UBE2K: variants seen among roughly 807,000 people sequenced by gnomAD.
The protein encoded by UBE2K is ubiquitin conjugating enzyme E2 K, also known as ubiquitin-conjugating enzyme E2 K.
UBE2K carries 6 observed loss-of-function variants against 30.0 expected under a neutral mutation model. The observed-to-expected ratio is 0.20, with a 90% CI of 0.11 to 0.39. The LOEUF (loss-of-function observed/expected upper bound fraction) is 0.39, where lower values mean the gene tolerates loss of function less well. Among genes scored for constraint, UBE2K ranks in the 10% least tolerant of loss-of-function variants. The pLI is 1.00. For missense variants in UBE2K, 61 were observed against 241.6 expected (o/e 0.25, Z 4.96); for synonymous variants, 86 against 83.7 (o/e 1.03, Z -0.15).
chr4:39,751,006 G>A (rs10017303), intron 3 of UBE2K, among the ~76,000 whole-genome samples: 2,845 of 151,866 alleles, frequency 0.019, 99 homozygotes, highest in African/African-American at 0.065. Flanking sequence ...TCAGCCTCCT[G>A]AAGTATTGGG....
intron 4 of UBE2K, among the ~76,000 whole-genome samples, chr4:39,760,180 AAAAAAAAAAAAACAG>A (rs1399935769): frequency 4.9e-4 from 44 of 90,426 alleles, no homozygotes; most frequent in Middle Eastern, 5.1e-3. Context: ...CTGTCACAAA[AAAAAAAAAAAAACAG>A]AAAAAAAAAA....
At chr4:39,717,448 C>T (rs1413452568) in intron 1 of UBE2K, among the ~76,000 whole-genome samples, 1 of 152,082 alleles carries the variant, frequency 6.6e-6, no homozygotes, top group Non-Finnish European at 1.5e-5. Flanking sequence ...TCAGGCTGGT[C>T]TTGAACTCCT....
intron 1 of UBE2K, among the ~76,000 whole-genome samples, chr4:39,724,946 TA>T (rs1488123360): frequency 6.6e-6 from 1 of 152,252 alleles, no homozygotes; most frequent in African/African-American, 2.4e-5. Flanking sequence ...TATTTTTGTT[TA>T]CTTTGTTGTC....
At chr4:39,732,424 A>G (rs1250252102) in intron 1 of UBE2K, among the ~76,000 whole-genome samples, 1 of 152,224 alleles carries the variant, frequency 6.6e-6, no homozygotes, top group Admixed American at 6.5e-5. Context: ...AGCATATACT[A>G]GAACCTAGTC....
intron 4 of UBE2K, among the ~76,000 whole-genome samples, chr4:39,772,018 TGGC>T: frequency 6.6e-6 from 1 of 152,266 alleles, no homozygotes; most frequent in South Asian, 2.1e-4. Context: ...TTTGTATTTT[TGGC>T]AGACAGTGTT....
intron 4 of UBE2K, among the ~76,000 whole-genome samples, chr4:39,767,437 C>T (rs968297235): frequency 6.6e-6 from 1 of 151,932 alleles, no homozygotes; most frequent in Non-Finnish European, 1.5e-5. Flanking sequence ...CATTCTCCTG[C>T]CTCAGCCTCC....
At chr4:39,739,610 C>T (rs1050359429) in intron 2 of UBE2K, among the ~76,000 whole-genome samples, 1 of 151,946 alleles carries the variant, frequency 6.6e-6, no homozygotes, top group African/African-American at 2.4e-5. Context: ...CCATGCCCGG[C>T]TAATTTTTGT....
At chr4:39,701,199 G>A (rs1717990327) in intron 1 of UBE2K, among the ~76,000 whole-genome samples, 1 of 152,210 alleles carries the variant, frequency 6.6e-6, no homozygotes, top group East Asian at 1.9e-4. Flanking sequence ...ATATGAGTGT[G>A]AATTTTAAGT....
At chr4:39,743,733 AT>A (rs765697472) in intron 2 of UBE2K, among the ~76,000 whole-genome samples, 25 of 152,184 alleles carry the variant, frequency 1.6e-4, no homozygotes, top group Admixed American at 3.3e-4. Flanking sequence ...ATAAATAAAT[AT>A]TTCAATAGAA....
chr4:39,721,918 G>A (rs915515133), intron 1 of UBE2K, among the ~76,000 whole-genome samples: 1 of 151,974 alleles, frequency 6.6e-6, no homozygotes, highest in Non-Finnish European at 1.5e-5. Context: ...ACAAAAGCCC[G>A]TCTCGACAAA....
intron 1 of UBE2K, among the ~76,000 whole-genome samples, chr4:39,702,469 G>A (rs1358096579): frequency 3.3e-5 from 5 of 151,592 alleles, no homozygotes; most frequent in African/African-American, 1.2e-4. Context: ...GGTCAGGCTG[G>A]TCTTGAACTC....
intron 3 of UBE2K, among the ~76,000 whole-genome samples, chr4:39,747,307 C>T (rs955238575): frequency 1.3e-5 from 2 of 152,168 alleles, no homozygotes; most frequent in Non-Finnish European, 2.9e-5. Flanking sequence ...GTAGAACTTT[C>T]TCACCTTCCC....
intron 4 of UBE2K, among the ~76,000 whole-genome samples, chr4:39,762,381 A>G (rs1712012445): frequency 6.6e-6 from 1 of 152,004 alleles, no homozygotes. Flanking sequence ...TAGGGTTAGA[A>G]AAATAGGTGT....
chr4:39,773,435 T>TCC (rs948180268), intron 4 of UBE2K, among the ~76,000 whole-genome samples: 4 of 151,856 alleles, frequency 2.6e-5, no homozygotes, highest in African/African-American at 9.7e-5. Flanking sequence ...GCCACTGCAC[T>TCC]CCAGCCTCGG....
At position 39,781,964 on chromosome 4, in the gene UBE2K, G is replaced by T. The variant is rs1713639095; in HGVS notation, c.*3530G>T. 2.5e-6 allele frequency: 1 copy of T among 398,444 alleles called. No homozygotes were observed. The allele number at this position is 398,444 out of a possible 1,614,324, so 24.7% of individuals were successfully genotyped here. A position where few individuals can be genotyped will look rare whatever the true frequency, so the allele number is the denominator to read the frequency against. On this transcript the variant is annotated 3_prime_UTR_variant, in exon 7 of 7. Coordinates refer to ENST00000261427, the MANE Select transcript of UBE2K (RefSeq NM_005339.5). ...TAAAATAGCCTTTATTCCCAAGTGT[G>T]ACTTTTCTTCAGTGTCTACATATTA...
chr4:39,774,858 G>A lies in UBE2K; in HGVS notation c.324G>A (p.Thr108=), dbSNP rs762777625. Residue 108 remains threonine, a synonymous_variant, in exon 5 of 7, where the codon ACG becomes ACA. Transcript: ENST00000261427. ...GGGCAGCTGCAATGACTCTCCGCAC[G>A]GTATTATTGTCATTGCAAGCACTAT... The part of the protein sequence containing the change: ...DQWAAAMTLR[T]VLLSLQALLA... 3 of 1,574,340 alleles carry A rather than the reference G, an allele frequency of 1.9e-6. No homozygotes were observed. The highest frequency in any genetic ancestry group is 1.4e-5 in the African/African-American group (1 of 74,038).
intron 1 of UBE2K, chr4:39,714,517 CATATATATATATATAT>C (rs71645182): frequency 4.8e-5 from 2 of 41,620 alleles, no homozygotes; most frequent in African/African-American, 1.3e-4. Flanking sequence ...TTAGAAGTTT[CATATATATATATATAT>C]ATATATATAT....
chr4:39,732,520 C>T (rs1457394389), intron 1 of UBE2K, among the ~76,000 whole-genome samples: 5 of 151,866 alleles, frequency 3.3e-5, no homozygotes, highest in Admixed American at 1.3e-4. Flanking sequence ...ACATTAGAAC[C>T]GCTTTGAGTT....
At chr4:39,765,942 C>T (rs367579434) in intron 4 of UBE2K, among the ~76,000 whole-genome samples, 34 of 66,130 alleles carry the variant, frequency 5.1e-4, no homozygotes, top group African/African-American at 1.3e-3. Context: ...CATACATACA[C>T]ACACACACAT....
Sources: allele counts gnomAD v4.1 joint callset (sites outside exome capture counted in the v4.1 genomes callset), GRCh38; gene constraint gnomAD v4.1.1; transcripts MANE v1.5; gene names NCBI Gene and HGNC (gene_info 2026-07-23, HGNC 2026-07-21).